Variants in LARGE1 observed in about 807,000 individuals in gnomAD.
The protein encoded by LARGE1 is xylosyl- and glucuronyltransferase LARGE1.
Under a neutral mutation model 87.6 loss-of-function variants are expected in LARGE1, and 43 were observed. The ratio of observed to expected loss-of-function variants is 0.49; its 90% confidence interval spans 0.38 to 0.63. LARGE1 has a LOEUF of 0.63. Ranked by LOEUF, LARGE1 falls within the 30% of genes least tolerant of loss-of-function variation. The probability of loss-of-function intolerance (pLI) is 0.00; values close to 1 mark genes in which losing one functional copy is unlikely to be tolerated. For missense variants in LARGE1, 802 were observed against 1,000.2 expected (o/e 0.80, Z 2.67); for synonymous variants, 434 against 394.6 (o/e 1.10, Z -1.18).
chr22:33,793,456 T>C (rs1354296766), intron 1 of LARGE1, among the ~76,000 whole-genome samples: 2 of 152,194 alleles, frequency 1.3e-5, no homozygotes, highest in African/African-American at 4.8e-5. Flanking sequence ...CCCCCATGTT[T>C]ACTGAAATGA....
intron 1 of LARGE1, among the ~76,000 whole-genome samples, chr22:33,878,814 T>C (rs949282429): frequency 1.3e-5 from 2 of 152,184 alleles, no homozygotes; most frequent in South Asian, 2.1e-4. Flanking sequence ...GGATCACCGA[T>C]GGATGCTGTG....
chr22:33,164,546 C>G (rs1470320844), exon 12 of LARGE1: 1 of 150,804 alleles, frequency 6.6e-6, no homozygotes, highest in East Asian at 1.9e-4. Context: ...GAGACAGAGT[C>G]TCGCTCTGTC....
chr22:33,661,160 G>A (rs1274033501), intron 2 of LARGE1, among the ~76,000 whole-genome samples: 38 of 151,470 alleles, frequency 2.5e-4, no homozygotes. Flanking sequence ...TATACTTGCT[G>A]TAAGCCTCAA....
At chr22:33,513,929 T>G (rs764994127) in intron 6 of LARGE1, among the ~76,000 whole-genome samples, 3 of 151,990 alleles carry the variant, frequency 2.0e-5, no homozygotes, top group Non-Finnish European at 4.4e-5. Context: ...CGTTGCATTT[T>G]TACTGTCCCT....
chr22:33,150,412 C>T, the LARGE1 span, among the ~76,000 whole-genome samples: 9 of 152,150 alleles, frequency 5.9e-5, no homozygotes, highest in African/African-American at 1.9e-4. Flanking sequence ...GCAGCAGGAC[C>T]TATACTGAAT....
At chr22:33,795,660 C>T (rs111575950) in intron 1 of LARGE1, among the ~76,000 whole-genome samples, 11,362 of 152,186 alleles carry the variant, frequency 0.075, 537 homozygotes, top group South Asian at 0.21. Context: ...CACACATACA[C>T]CATGGAATAC....
rs529938682 is a variant in LARGE1, at chr22:33,846,886, G to A, written c.-83+73109C>T. Among the ~76,000 whole-genome samples, 19 of 152,244 alleles carry A rather than the reference G, an allele frequency of 1.2e-4. 1 individual carries two copies. Among genetic ancestry groups the A allele is most frequent in the Middle Eastern group, 6.8e-3 (2 of 294 alleles). On this transcript the variant is annotated intron_variant, in intron 1 of 14. Coordinates refer to ENST00000397394, the MANE Select transcript of LARGE1 (RefSeq NM_133642.5). Reference sequence around the variant, plus strand: ...GATGTTATCAATGACAATGGTGCCCGAAACTTCATTAGCAATTTTAATTTC... The same window carrying A: ...GATGTTATCAATGACAATGGTGCCCAAAACTTCATTAGCAATTTTAATTTC...
chr22:33,884,455 T>G (rs1461868218), intron 1 of LARGE1, among the ~76,000 whole-genome samples: 1 of 152,198 alleles, frequency 6.6e-6, no homozygotes, highest in Non-Finnish European at 1.5e-5. Context: ...GGCCCCCATA[T>G]TGTGCCAGCC....
chr22:33,673,338 C>G (rs1397639670), intron 2 of LARGE1, among the ~76,000 whole-genome samples: 1 of 152,100 alleles, frequency 6.6e-6, no homozygotes, highest in East Asian at 1.9e-4. Context: ...CCCACAACCT[C>G]CCTTGAAGCA....
intron 5 of LARGE1, among the ~76,000 whole-genome samples, chr22:33,584,345 C>T (rs889186387): frequency 6.6e-6 from 1 of 152,162 alleles, no homozygotes; most frequent in Non-Finnish European, 1.5e-5. Flanking sequence ...CACCACACTT[C>T]CCCCCGACTC....
intron 2 of LARGE1, among the ~76,000 whole-genome samples, chr22:33,674,270 C>A (rs1189061351): frequency 1.3e-5 from 2 of 152,148 alleles, no homozygotes; most frequent in African/African-American, 4.8e-5. Flanking sequence ...CTCCCCCAAG[C>A]CCCTGGTGGA....
rs1425060092 is a variant in LARGE1 at position 33,286,447 on chromosome 22, C to T, written c.1731-3099G>A. Reference sequence around the variant, plus strand: ...CCCTGGGGCAGGGGGGAAGGTGTCCCAGTATTGGTGGGTGGTTGCTACCCA... The same window carrying T: ...CCCTGGGGCAGGGGGGAAGGTGTCCTAGTATTGGTGGGTGGTTGCTACCCA... On this transcript the variant is annotated intron_variant, in intron 12 of 14. Transcript: ENST00000397394. Among the ~76,000 whole-genome samples, 3 of 152,120 alleles carry T rather than the reference C, an allele frequency of 2.0e-5. No individual in the cohort carries two copies. The South Asian group carries it at 6.2e-4, about 32-fold the overall frequency.
the LARGE1 span, among the ~76,000 whole-genome samples, chr22:33,096,689 C>G: frequency 1.3e-5 from 2 of 151,546 alleles, no homozygotes; most frequent in South Asian, 2.1e-4. Context: ...CTCCGCCTCC[C>G]GAGCAGGTGG....
rs911433285 is a variant in LARGE1, at chr22:33,498,840, G to A, written c.787+66008C>T. ...CAAAAAATTAGCCGGGAGTGGTGGC[G>A]GGGGACCTGTAGTCCCAGCTACTTG... On this transcript the variant is annotated intron_variant, in intron 6 of 14. Coordinates refer to ENST00000397394, the MANE Select transcript of LARGE1 (RefSeq NM_133642.5). Among the ~76,000 whole-genome samples the A allele has an allele frequency of 1.1e-4, 17 of 151,960 alleles. No individual in the cohort carries two copies. The South Asian group carries it at 1.5e-3, about 13-fold the overall frequency.
chr22:33,304,881 A>T (rs1161633894), intron 11 of LARGE1, among the ~76,000 whole-genome samples: 1 of 152,226 alleles, frequency 6.6e-6, no homozygotes, highest in Non-Finnish European at 1.5e-5. Context: ...CTCCTAAGGC[A>T]GTGACCAGCC....
chr22:33,686,242 G>A (rs1191169838), intron 2 of LARGE1, among the ~76,000 whole-genome samples: 1 of 152,016 alleles, frequency 6.6e-6, no homozygotes, highest in Non-Finnish European at 1.5e-5. Flanking sequence ...CTGTGAACTG[G>A]AGCTTAGGAT....
intron 2 of LARGE1, among the ~76,000 whole-genome samples, chr22:33,667,761 A>T (rs1373686389): frequency 6.6e-6 from 1 of 152,228 alleles, no homozygotes; most frequent in Non-Finnish European, 1.5e-5. Flanking sequence ...AACTAGGAAC[A>T]CTTTAGTTTA....
chr22:33,872,052 G>A (rs7291655), intron 1 of LARGE1, among the ~76,000 whole-genome samples: 17 of 151,538 alleles, frequency 1.1e-4, no homozygotes, highest in South Asian at 6.2e-4. Flanking sequence ...GCAGGAGGTG[G>A]GAGTGATGGA....
In LARGE1 at chr22:33,774,910, C is replaced by A. The variant is rs1029490844; in HGVS notation, c.-82-13352G>T. Among the ~76,000 whole-genome samples the A allele has an allele frequency of 2.0e-5, 3 of 152,188 alleles. No homozygotes were observed. The South Asian group carries it at 6.2e-4, about 32-fold the overall frequency. ...GGTTTCAGTATTTTCTAAACCTTTA[C>A]ATCAGACTGAGAATGGAGTTGAGGC... is the stretch of plus-strand genomic sequence containing the variant. On this transcript the variant is annotated intron_variant, in intron 1 of 14. Transcript: ENST00000397394.
Sources: gnomAD v4.1 joint callset for allele counts (sites outside exome capture counted in the v4.1 genomes callset) on GRCh38, gnomAD v4.1.1 for gene constraint, MANE v1.5 for transcripts, NCBI Gene and HGNC (gene_info 2026-07-23, HGNC 2026-07-21) for gene names.